The following NDUFS3 variants were observed in gnomAD, a reference collection of about 807,000 sequenced individuals.
NDUFS3 encodes NADH:ubiquinone oxidoreductase core subunit S3.
NDUFS3 carries 19 observed loss-of-function variants against 30.8 expected under a neutral mutation model. The ratio of observed to expected loss-of-function variants is 0.62; its 90% confidence interval spans 0.43 to 0.91. The LOEUF (loss-of-function observed/expected upper bound fraction) is 0.91, where lower values mean the gene tolerates loss of function less well. Ranked by LOEUF, NDUFS3 falls within the 40% of genes least tolerant of loss-of-function variation. NDUFS3 has a pLI of 0.00. For missense variants in NDUFS3, 331 were observed against 342.0 expected, an observed-to-expected ratio of 0.97 and a Z score of 0.25; for synonymous variants, 153 against 135.8, an observed-to-expected ratio of 1.13 and a Z score of -0.88.
chr11:47,579,396 C>T (rs183018828), intron 2 of NDUFS3, 62 bp downstream of exon 2: 9 of 1,599,634 alleles, frequency 5.6e-6, no homozygotes, highest in Non-Finnish European at 7.7e-6. Context: ...GATGCCTGTC[C>T]TTGCCCTAGG....
At chr11:47,579,812 C>CTAGTGAAGGACAAAGACCTAGTGAA in intron 2 of NDUFS3, 1 of 232,362 alleles carries the variant, frequency 4.3e-6, no homozygotes, top group Non-Finnish European at 8.6e-6. Context: ...CAAAGTAGGC[C>CTAGTGAAGGACAAAGACCTAGTGAA]TGCCTGCTGC....
At chr11:47,582,301 T>G in intron 5 of NDUFS3, 48 bp from the exon 6 acceptor site, 1 of 1,607,386 alleles carries the variant, frequency 6.2e-7, no homozygotes, top group Non-Finnish European at 8.5e-7. Flanking sequence ...CCCTTCCCCC[T>G]GTTGTTAGTC....
chr11:47,584,171 A>G (rs193276122), intron 6 of NDUFS3, 143 bp from the exon 7 acceptor site: 15 of 1,079,328 alleles, frequency 1.4e-5, no homozygotes, highest in Non-Finnish European at 1.8e-5. Flanking sequence ...ATGGATGGAG[A>G]CTTACTGACA....
intron 4 of NDUFS3, 169 bp from the exon 5 acceptor site, chr11:47,581,919 G>T: frequency 1.2e-6 from 1 of 860,872 alleles, no homozygotes; most frequent in African/African-American, 1.7e-5. Context: ...GCAAACACAG[G>T]CATGCTGACA....
chr11:47,580,926 T>A lies in NDUFS3; in HGVS notation c.323T>A (p.Phe108Tyr). 5 of 1,614,234 alleles carry A rather than the reference T, an allele frequency of 3.1e-6. No homozygotes were observed. Among genetic ancestry groups the A allele is most frequent in the Non-Finnish European group, 4.2e-6 (5 of 1,180,046 alleles). Reference protein sequence around the residue: ...TFLRDHTNAQFKSLVDLTAVD... With the variant: ...TFLRDHTNAQYKSLVDLTAVD... The stretch of plus-strand genomic sequence containing the variant: ...CTCAGGGATCACACCAATGCACAGT[T>A]CAAATCTCTGGTTGACTTGACAGCA... Residue 108 changes from phenylalanine to tyrosine, a missense_variant, in exon 4 of 7, where the codon TTC (phenylalanine) becomes TAC (tyrosine). By Grantham distance (22) the Phe-to-Tyr change is conservative (BLOSUM62 3). Transcript: ENST00000263774.
At chr11:47,580,388 C>G (rs2097267908) in intron 2 of NDUFS3, 137 bp from the exon 3 acceptor site, 2 of 809,056 alleles carry the variant, frequency 2.5e-6, no homozygotes, top group Non-Finnish European at 2.1e-6. Context: ...AGAAGGGAAA[C>G]CTTTCACATG....
chr11:47,581,225 C>T, intron 4 of NDUFS3: 1 of 491,068 alleles, frequency 2.0e-6, no homozygotes, highest in Non-Finnish European at 3.7e-6. Context: ...ATGATCTTGG[C>T]TCACTGCAAC....
rs1275717504 is a variant in NDUFS3 at position 47,584,180 on chromosome 11, CAG to C, written c.628-131_628-130del. The C allele has an allele frequency of 3.2e-4, 373 of 1,173,084 alleles. 8 individuals carry two copies. In the South Asian group the frequency reaches 4.1e-3, roughly 13 times the overall value. The allele number at this position is 1,173,084 out of a possible 1,614,324, so 72.7% of individuals were successfully genotyped here. A position where few individuals can be genotyped will look rare whatever the true frequency, so the allele number is the denominator to read the frequency against. On this transcript the variant is annotated intron_variant, in intron 6 of 6. Transcript: ENST00000263774. ...ACAGGTATGGATGGAGACTTACTGA[CAG>C]AGGCTGGGACAGGAGTCAGTAACCG...
At position 47,580,052 on chromosome 11, in the gene NDUFS3, G is replaced by C. The variant is rs918983680; in HGVS notation, c.134-473G>C. 7.5e-5 allele frequency among the ~76,000 whole-genome samples: 11 copies of C among 147,262 alleles called. No homozygotes were observed. In the South Asian group the frequency reaches 8.6e-4, roughly 11 times the overall value. ...ACACCTGGGCCTCAGTTTTCTCATT[G>C]ACACACACACACACACACACTTTTA... On this transcript the variant is annotated intron_variant, in intron 2 of 6. Transcript: ENST00000263774.
Position 47,584,377 on chromosome 11 carries a change from C to T in NDUFS3, c.691C>T (p.Arg231Cys), listed in dbSNP as rs545846119. 22 of 1,614,092 alleles carry T rather than the reference C, an allele frequency of 1.4e-5. 1 individual carries two copies. The highest frequency in any genetic ancestry group is 1.6e-4 in the Middle Eastern group (1 of 6,062). Residue 231 changes from arginine (R) to cysteine (C), a missense_variant, in exon 7 of 7, where the codon CGC (arginine) becomes TGC (cysteine). Physicochemically the swap from Arg to Cys is radical, Grantham distance 180 (BLOSUM62 -3). Transcript: ENST00000263774. The part of the protein sequence containing the change: ...AEPVELAQEF[R>C]KFDLNSPWEA... Reference sequence around the variant, plus strand: ...GCCGGTGGAGTTGGCCCAAGAGTTCCGCAAATTTGACCTGAACAGCCCCTG... The same window carrying T: ...GCCGGTGGAGTTGGCCCAAGAGTTCTGCAAATTTGACCTGAACAGCCCCTG...
At chr11:47,581,887 C>A in intron 4 of NDUFS3, 1 of 674,218 alleles carries the variant, frequency 1.5e-6, no homozygotes, top group Non-Finnish European at 2.6e-6. Context: ...GGGAAATATT[C>A]CTGACAAAGT....
intron 2 of NDUFS3, 119 bp downstream of exon 2, chr11:47,579,453 C>G: frequency 7.8e-7 from 1 of 1,276,946 alleles, no homozygotes; most frequent in Non-Finnish European, 1.1e-6. Context: ...ATCTGACTTG[C>G]AGTGGTCTTC....
Position 47,582,166 on chromosome 11 carries a change from G to A in NDUFS3, c.460G>A (p.Glu154Lys). 5 of 1,614,220 alleles carry A rather than the reference G, an allele frequency of 3.1e-6. No homozygotes were observed. The South Asian group carries it at 4.4e-5, about 14-fold the overall frequency. ...CTACACAGATGAGCTGACGCCCATT[G>A]AGTCTGCTGTCTCTGTGTTCAAGGC... The part of the protein sequence containing the change: ...KTYTDELTPI[E>K]SAVSVFKAAN... The change falls in exon 5 of 7, where the codon GAG (glutamate) becomes AAG (lysine). Residue 154 changes from glutamate to lysine, a missense_variant. Physicochemically the swap from Glu to Lys is moderately conservative, Grantham distance 56. Transcript: ENST00000263774.
chr11:47,579,900 G>A (rs2097267200), intron 2 of NDUFS3, among the ~76,000 whole-genome samples: 1 of 152,118 alleles, frequency 6.6e-6, no homozygotes, highest in African/African-American at 2.4e-5. Context: ...GCATGAATGA[G>A]TATGTACATA....
In NDUFS3 at chr11:47,582,135, G is replaced by A. The variant is rs1219298259; in HGVS notation, c.429G>A (p.Val143=). The change falls in exon 5 of 7, where the codon GTG becomes GTA. Residue 143 remains valine, a synonymous_variant. Transcript: ENST00000263774. ...TGCGCTTCAACTCACGGATCCGTGT[G>A]AAGACCTACACAGATGAGCTGACGC... is the stretch of plus-strand genomic sequence containing the variant. The part of the protein sequence containing the change: ...LSLRFNSRIR[V]KTYTDELTPI... 1 of 1,613,862 alleles carries A rather than the reference G, an allele frequency of 6.2e-7. No homozygotes were observed. The highest frequency in any genetic ancestry group is 1.3e-5 in the African/African-American group (1 of 74,842).
chr11:47,582,437 G>T lies in NDUFS3; in HGVS notation c.596G>T (p.Arg199Leu), dbSNP rs771783839. 1 of 1,614,070 alleles carries T rather than the reference G, an allele frequency of 6.2e-7. No individual in the cohort carries two copies. The highest frequency in any genetic ancestry group is 1.1e-5 in the South Asian group (1 of 91,078). The change falls in exon 6 of 7, where the codon CGG becomes CTG. Residue 199 changes from arginine to leucine, a missense_variant. By Grantham distance (102) the Arg-to-Leu change is moderately radical. Coordinates refer to ENST00000263774, the MANE Select transcript of NDUFS3 (RefSeq NM_004551.3). ...TDYGFEGHPF[R>L]KDFPLSGYVE... ...TATGGCTTCGAGGGACATCCTTTCC[G>T]GAAAGACTTTCCTCTATCTGGCTAT...
At chr11:47,581,345 CTG>C in intron 4 of NDUFS3, 1 of 323,196 alleles carries the variant, frequency 3.1e-6, no homozygotes, top group Non-Finnish European at 6.0e-6. Context: ...TTAGTGAAGA[CTG>C]GGTTTCACCA....
intron 2 of NDUFS3, 122 bp downstream of exon 2, chr11:47,579,456 TG>T: frequency 1.6e-6 from 2 of 1,240,244 alleles, no homozygotes; most frequent in South Asian, 2.5e-5. Context: ...TGACTTGCAG[TG>T]GTCTTCACCC....
intron 2 of NDUFS3, among the ~76,000 whole-genome samples, chr11:47,580,089 A>T (rs1177591683): frequency 1.3e-5 from 2 of 151,922 alleles, no homozygotes; most frequent in African/African-American, 4.8e-5. Flanking sequence ...GGAGAGAGAG[A>T]GTCTGTGAGG....
Sources: allele counts gnomAD v4.1 joint callset (sites outside exome capture counted in the v4.1 genomes callset), GRCh38; gene constraint gnomAD v4.1.1; transcripts MANE v1.5; gene names NCBI Gene and HGNC (gene_info 2026-07-23, HGNC 2026-07-21).